Variants in CANX observed in about 807,000 individuals in gnomAD.
CANX encodes epididymis secretory sperm binding protein.
CANX carries 14 observed loss-of-function variants against 75.7 expected under a neutral mutation model. That is an observed-to-expected ratio of 0.19 (90% CI 0.12 to 0.29). The LOEUF (loss-of-function observed/expected upper bound fraction) is 0.29, where lower values mean the gene tolerates loss of function less well. Ranked by LOEUF, CANX falls within the 10% of genes least tolerant of loss-of-function variation. The probability of loss-of-function intolerance (pLI) is 1.00; values close to 1 mark genes in which losing one functional copy is unlikely to be tolerated. For synonymous variants in CANX, 227 were observed against 236.9 expected (o/e 0.96, Z 0.38); for missense variants, 567 against 713.2 (o/e 0.79, Z 2.34).
chr5:179,681,046 T>G, intron 1 of CANX: 1 of 786,896 alleles, frequency 1.3e-6, no homozygotes, highest in Non-Finnish European at 2.1e-6. Context: ...GTCCCATCTC[T>G]GACCCACTCA....
rs1778980753 is a variant in CANX, at chr5:179,731,343, C to A, written c.*2699C>A. Among the ~76,000 whole-genome samples the A allele has an allele frequency of 6.6e-6, 1 of 151,726 alleles. No homozygotes were observed. The highest frequency in any genetic ancestry group is 2.4e-5 in the African/African-American group (1 of 41,318). On this transcript the variant is annotated 3_prime_UTR_variant, in exon 15 of 15. Transcript: ENST00000247461. ...TTTAGGGGTATTTTTGAAAGTTAGC[C>A]CAGTTTTTTATGTGCTATTAAATTT... is the stretch of plus-strand genomic sequence containing the variant.
At position 179,730,173 on chromosome 5, in the gene CANX, G is replaced by A. The variant is rs1223484817; in HGVS notation, c.*1529G>A. ...TTCTTTAGAGGCTTTCAAATGTACCGATGATACTGTTTCTTGCACTGAATA... is the reference window on the plus strand; with the variant it reads ...TTCTTTAGAGGCTTTCAAATGTACCAATGATACTGTTTCTTGCACTGAATA... On this transcript the variant is annotated 3_prime_UTR_variant, in exon 15 of 15. Coordinates refer to ENST00000247461, the MANE Select transcript of CANX (RefSeq NM_001746.4). 1 of 152,512 alleles carries A rather than the reference G, an allele frequency of 6.6e-6. No individual in the cohort carries two copies. Among genetic ancestry groups the A allele is most frequent in the Non-Finnish European group, 1.5e-5 (1 of 68,028 alleles). The allele number at this position is 152,512 out of a possible 1,614,324, so 9.4% of individuals were successfully genotyped here. A position where few individuals can be genotyped will look rare whatever the true frequency, so the allele number is the denominator to read the frequency against.
At chr5:179,685,826 A>T (rs1776181528) in intron 1 of CANX, among the ~76,000 whole-genome samples, 1 of 151,898 alleles carries the variant, frequency 6.6e-6, no homozygotes, top group African/African-American at 2.4e-5. Context: ...AAGTGTTGGA[A>T]TTATAGGTGT....
chr5:179,698,974 G>T lies in CANX; in HGVS notation c.-132G>T, dbSNP rs1304898990. ...GGGGCTCGCTCGCGCGGCAGCGGTG[G>T]CCGAGGCCTCTTGGTTCTGCGGCAC... On this transcript the variant is annotated 5_prime_UTR_variant, in exon 1 of 15. Transcript: ENST00000247461. 5 of 1,125,568 alleles carry T rather than the reference G, an allele frequency of 4.4e-6. No individual in the cohort carries two copies. Among genetic ancestry groups the T allele is most frequent in the African/African-American group, 3.5e-5 (2 of 57,934 alleles). 69.7% of individuals were successfully genotyped at this position (1,125,568 alleles called of 1,614,324 possible).
chr5:179,716,219 C>G lies in CANX; in HGVS notation c.836C>G (p.Pro279Arg). 6.2e-7 allele frequency: 1 copy of G among 1,614,086 alleles called. No individual in the cohort carries two copies. The highest frequency in any genetic ancestry group is 1.1e-5 in the South Asian group (1 of 91,070). Residue 279 changes from proline (P) to arginine (R), a missense_variant, in exon 8 of 15, where the codon CCA becomes CGA. Transcript: ENST00000247461. ...PVNPSREIED[P>R]EDRKPEDWDE... ...AATCCTTCACGTGAAATTGAGGACC[C>G]AGAAGACCGGAAGCCCGAGGATTGG...
At chr5:179,685,410 G>A (rs765693649) in intron 1 of CANX, among the ~76,000 whole-genome samples, 4 of 151,754 alleles carry the variant, frequency 2.6e-5, no homozygotes, top group Non-Finnish European at 5.9e-5. Context: ...CACCATGCCT[G>A]GCTAATTTTG....
chr5:179,697,977 C>A (rs1776462624), upstream of CANX, among the ~76,000 whole-genome samples: 1 of 152,126 alleles, frequency 6.6e-6, no homozygotes, highest in Admixed American at 6.6e-5. Flanking sequence ...TTCCCCTTCC[C>A]GGTGGCAAGA....
intron 13 of CANX, among the ~76,000 whole-genome samples, chr5:179,725,261 C>T (rs909269777): frequency 6.6e-6 from 1 of 152,068 alleles, no homozygotes; most frequent in African/African-American, 2.4e-5. Flanking sequence ...GGCTGGAGTG[C>T]AGTGGTGTGA....
chr5:179,692,332 C>T (rs1440403370), intron 1 of CANX, among the ~76,000 whole-genome samples: 1 of 152,090 alleles, frequency 6.6e-6, no homozygotes, highest in African/African-American at 2.4e-5. Flanking sequence ...ATCTCGGTCT[C>T]CCAAAGTGCT....
chr5:179,727,928 C>G (rs915959734), intron 14 of CANX, among the ~76,000 whole-genome samples: 10 of 152,192 alleles, frequency 6.6e-5, no homozygotes, highest in Admixed American at 2.6e-4. Flanking sequence ...GTGTCTAAAT[C>G]TGGTCTCTCC....
chr5:179,711,032 G>C (rs1294694130), intron 7 of CANX, among the ~76,000 whole-genome samples: 2 of 152,094 alleles, frequency 1.3e-5, no homozygotes, highest in Non-Finnish European at 2.9e-5. Flanking sequence ...ACTCCAGCCT[G>C]GGTGGCAGAG....
chr5:179,704,018 C>T (rs1340347526), intron 1 of CANX: 2 of 152,124 alleles, frequency 1.3e-5, no homozygotes, highest in African/African-American at 2.4e-5. Context: ...TGTGCGCACA[C>T]ATTTTTAGTT....
rs1453086043 is a variant in CANX, at chr5:179,707,154, A to G, written c.268A>G (p.Lys90Glu). Residue 90 changes from lysine (K) to glutamate (E), a missense_variant, in exon 4 of 15, where the codon AAA (lysine) becomes GAA (glutamate). Physicochemically the swap from Lys to Glu is moderately conservative, Grantham distance 56. This residue lies in a region of CANX where 351 missense variants were observed against 433.8 expected (regional missense o/e 0.81). Transcript: ENST00000247461. ...LSGWILSKAK[K>E]DDTDDEIAKY... Reference sequence around the variant, plus strand: ...CAGGTGGATTTTATCCAAAGCCAAGAAAGACGATACCGATGATGAAATTGC... The same window carrying G: ...CAGGTGGATTTTATCCAAAGCCAAGGAAGACGATACCGATGATGAAATTGC... The G allele has an allele frequency of 1.2e-6, 2 of 1,602,076 alleles. No homozygotes were observed. The highest frequency in any genetic ancestry group is 2.2e-5 in the East Asian group (1 of 44,818).
chr5:179,688,389 A>G (rs1581818852), intron 1 of CANX, among the ~76,000 whole-genome samples: 5 of 81,532 alleles, frequency 6.1e-5, no homozygotes, highest in South Asian at 4.4e-4. Context: ...TTTGAGACGG[A>G]GTCTCACTCT....
intron 1 of CANX, chr5:179,681,108 G>C (rs1436234672): frequency 1.7e-6 from 1 of 579,472 alleles, no homozygotes; most frequent in Non-Finnish European, 3.1e-6. Context: ...GGCCACCCCA[G>C]GACAAGAAGG....
At chr5:179,708,870 T>G (rs1777331050) in intron 5 of CANX, 108 bp from the exon 6 acceptor site, 3 of 618,314 alleles carry the variant, frequency 4.9e-6, no homozygotes, top group East Asian at 5.7e-5. Context: ...GGGTAAACAT[T>G]TGACCTATGA....
At chr5:179,710,364 C>A (rs1284646382) in intron 7 of CANX, among the ~76,000 whole-genome samples, 2 of 142,356 alleles carry the variant, frequency 1.4e-5, no homozygotes, top group Non-Finnish European at 3.0e-5. Context: ...GAGCCAAGAT[C>A]ATTGTGCCAC....
chr5:179,707,820 G>A (rs1777260451), intron 4 of CANX, among the ~76,000 whole-genome samples: 1 of 152,008 alleles, frequency 6.6e-6, no homozygotes, highest in African/African-American at 2.4e-5. Flanking sequence ...GCCAAATAAA[G>A]TGTGTTTATT....
Position 179,728,694 on chromosome 5 carries a change from A to G in CANX, c.*50A>G. 1 of 1,370,004 alleles carries G rather than the reference A, an allele frequency of 7.3e-7. No individual in the cohort carries two copies. Among genetic ancestry groups the G allele is most frequent in the Non-Finnish European group, 1.0e-6 (1 of 959,344 alleles). The allele number at this position is 1,370,004 out of a possible 1,614,324, so 84.9% of individuals were successfully genotyped here. On this transcript the variant is annotated 3_prime_UTR_variant, in exon 15 of 15. Coordinates refer to ENST00000247461, the MANE Select transcript of CANX (RefSeq NM_001746.4). ...GATTTCTTCTCCCTCCTCCCCTGCA[A>G]GAGTGGTCCTAGGAGAGGACCTGGC...
Sources: allele counts gnomAD v4.1 joint callset (sites outside exome capture counted in the v4.1 genomes callset), GRCh38; gene constraint gnomAD v4.1.1; regional missense constraint gnomAD v4.1.1; transcripts MANE v1.5; gene names NCBI Gene and HGNC (gene_info 2026-07-23, HGNC 2026-07-21).